Variants in ASMTL observed in about 807,000 individuals in gnomAD.
ASMTL encodes probable bifunctional dTTP/UTP pyrophosphatase/methyltransferase protein.
In ASMTL, 57 loss-of-function variants were observed where a neutral mutation model predicts 60.3. The ratio of observed to expected loss-of-function variants is 0.95; its 90% CI spans 0.76 to 1.18. ASMTL has a LOEUF of 1.18. ASMTL is among the 50% of genes most tolerant of loss of function. ASMTL has a pLI of 0.00. For missense variants in ASMTL, 981 were observed against 852.6 expected, an observed-to-expected ratio of 1.15 and a Z score of -1.88; for synonymous variants, 419 against 373.0, an observed-to-expected ratio of 1.12 and a Z score of -1.42.
intron 9 of ASMTL, among the ~76,000 whole-genome samples, chrX:1,421,442 C>T (rs1164013259): frequency 6.6e-6 from 1 of 152,038 alleles, no homozygotes; most frequent in African/African-American, 2.4e-5. Flanking sequence ...TTTTCATCAG[C>T]TGCTGGATAA....
At chrX:1,426,798 A>T (rs748364216) in intron 7 of ASMTL, among the ~76,000 whole-genome samples, 1 of 151,584 alleles carries the variant, frequency 6.6e-6, no homozygotes, top group African/African-American at 2.4e-5. Flanking sequence ...ATCTGCTAAG[A>T]CCCCTTTTTA....
At chrX:1,403,934 G>C (rs1456803758) in intron 12 of ASMTL, among the ~76,000 whole-genome samples, 19 of 151,854 alleles carry the variant, frequency 1.3e-4, no homozygotes, top group Admixed American at 1.2e-3. Context: ...GATGGTAGAT[G>C]ATGGGTAGGT....
chrX:1,417,092 C>G (rs371880813), intron 11 of ASMTL, among the ~76,000 whole-genome samples: 1 of 151,514 alleles, frequency 6.6e-6, no homozygotes, highest in Admixed American at 6.6e-5. Flanking sequence ...CACATAGATG[C>G]AGACACACAG....
At chrX:1,426,438 T>C (rs771999114) in intron 7 of ASMTL, among the ~76,000 whole-genome samples, 1 of 152,192 alleles carries the variant, frequency 6.6e-6, no homozygotes, top group South Asian at 2.1e-4. Flanking sequence ...GCGTCCCTCC[T>C]GCACCCGACA....
chrX:1,413,899 C>G (rs755981694), intron 11 of ASMTL: 2 of 150,676 alleles, frequency 1.3e-5, no homozygotes, highest in Admixed American at 6.7e-5. Context: ...CCCCTAGAGC[C>G]TCTCAGAAAG....
At chrX:1,415,318 C>T (rs1364587869) in intron 11 of ASMTL, among the ~76,000 whole-genome samples, 3 of 152,164 alleles carry the variant, frequency 2.0e-5, no homozygotes, top group African/African-American at 7.2e-5. Flanking sequence ...CGGGTCAGTT[C>T]CTTCCGTGAC....
intron 7 of ASMTL, among the ~76,000 whole-genome samples, chrX:1,427,043 T>C (rs868227281): frequency 1.3e-5 from 2 of 152,160 alleles, no homozygotes; most frequent in African/African-American, 2.4e-5. Flanking sequence ...CAGACGTAAG[T>C]AAGCTAGGGG....
At chrX:1,404,707 CAGATGGATGCATGGATG>C (rs1351919214) in intron 12 of ASMTL, among the ~76,000 whole-genome samples, 1 of 89,406 alleles carries the variant, frequency 1.1e-5, no homozygotes, top group Non-Finnish European at 2.3e-5. Flanking sequence ...AATGGATGGA[CAGATGGATGCATGGATG>C]AGATGGATGG....
rs1249455425 is a variant in ASMTL at position 1,417,980 on chromosome X, G to A, written c.1515C>T (p.Phe505=). 14 of 1,609,210 alleles carry A rather than the reference G, an allele frequency of 8.7e-6. No individual in the cohort carries two copies. Among genetic ancestry groups the A allele is most frequent in the South Asian group, 2.2e-5 (2 of 90,616 alleles). The change falls in exon 11 of 13, where the codon TTC becomes TTT. Residue 505 remains phenylalanine, a synonymous_variant. Coordinates refer to ENST00000381317, the MANE Select transcript of ASMTL (RefSeq NM_004192.4). ...PPGPQAVQIH[F]AAGDFFRDPL... ...AACAGGAGGAGGGCTCACCTGCTGC[G>A]AAGTGGATCTGCACTGCCTGCGGTC...
intron 12 of ASMTL, among the ~76,000 whole-genome samples, chrX:1,410,947 A>C (rs1364931734): frequency 6.6e-6 from 1 of 151,784 alleles, no homozygotes; most frequent in Non-Finnish European, 1.5e-5. Flanking sequence ...ACACTTTGGG[A>C]GTCCCAGCTG....
intron 3 of ASMTL, among the ~76,000 whole-genome samples, chrX:1,437,963 T>C (rs2091014518): frequency 6.7e-6 from 1 of 149,626 alleles, no homozygotes; most frequent in African/African-American, 2.5e-5. Context: ...AGAATTAGGA[T>C]GCGCATTTTA....
chrX:1,425,723 C>T (rs1348076146), intron 7 of ASMTL, 36 bp from the exon 8 acceptor site: 7 of 1,602,764 alleles, frequency 4.4e-6, no homozygotes, highest in African/African-American at 4.0e-5. Flanking sequence ...TCATTAAGTC[C>T]CTTGTCCAGT....
At chrX:1,426,527 C>T (rs2090615778) in intron 7 of ASMTL, among the ~76,000 whole-genome samples, 1 of 152,178 alleles carries the variant, frequency 6.6e-6, no homozygotes, top group Non-Finnish European at 1.5e-5. Flanking sequence ...TAGGCTGCCA[C>T]CGTGAGGGGC....
chrX:1,433,731 G>C (rs1166856253), intron 5 of ASMTL, among the ~76,000 whole-genome samples: 5 of 151,922 alleles, frequency 3.3e-5, no homozygotes, highest in Non-Finnish European at 7.4e-5. Flanking sequence ...GGAGCTTCTG[G>C]TGGGTGAACA....
intron 3 of ASMTL, among the ~76,000 whole-genome samples, chrX:1,438,516 C>T (rs1158063842): frequency 6.6e-6 from 1 of 151,874 alleles, no homozygotes; most frequent in Non-Finnish European, 1.5e-5. Flanking sequence ...AACTGCGTAC[C>T]TTCCTGTGCC....
In ASMTL at chrX:1,425,653, T is replaced by C. The variant is rs1435173074; in HGVS notation, c.932A>G (p.Asp311Gly). ...LLTACKLKVF[D>G]LLKDEAPQKA... Reference sequence around the variant, plus strand: ...CTGGGGTGCTTCATCTTTTAACAAATCGAACACCTTCAGTTTGCAAGCGGT... The same window carrying C: ...CTGGGGTGCTTCATCTTTTAACAAACCGAACACCTTCAGTTTGCAAGCGGT... The change falls in exon 8 of 13, where the codon GAT becomes GGT. Residue 311 changes from aspartate to glycine, a missense_variant. Physicochemically the swap from Asp to Gly is moderately conservative, Grantham distance 94. Coordinates refer to ENST00000381317, the MANE Select transcript of ASMTL (RefSeq NM_004192.4). 6.2e-7 allele frequency: 1 copy of C among 1,613,690 alleles called. No homozygotes were observed. Among genetic ancestry groups the C allele is most frequent in the Non-Finnish European group, 8.5e-7 (1 of 1,179,784 alleles).
At chrX:1,431,645 T>A (rs1244260305) in intron 6 of ASMTL, among the ~76,000 whole-genome samples, 3 of 146,708 alleles carry the variant, frequency 2.0e-5, no homozygotes, top group Non-Finnish European at 4.5e-5. Flanking sequence ...ATATATTATA[T>A]AATTTGTATA....
At chrX:1,430,513 G>A (rs1473479153) in intron 6 of ASMTL, among the ~76,000 whole-genome samples, 1 of 151,988 alleles carries the variant, frequency 6.6e-6, no homozygotes, top group African/African-American at 2.4e-5. Context: ...TGCGTGTCCT[G>A]TGGTCCCACC....
chrX:1,448,144 G>A (rs1199349964), intron 1 of ASMTL, among the ~76,000 whole-genome samples: 1 of 126,510 alleles, frequency 7.9e-6, no homozygotes, highest in Non-Finnish European at 1.6e-5. Flanking sequence ...GACACACACC[G>A]CCATCTTGGA....
Sources: allele counts gnomAD v4.1 joint callset (sites outside exome capture counted in the v4.1 genomes callset), GRCh38; gene constraint gnomAD v4.1.1; transcripts MANE v1.5; gene names NCBI Gene and HGNC (gene_info 2026-07-23, HGNC 2026-07-21).